Variants in CLPB observed in about 807,000 individuals in gnomAD.
CLPB encodes the protein mitochondrial disaggregase.
CLPB carries 40 observed loss-of-function variants against 78.4 expected under a neutral mutation model. The ratio of observed to expected loss-of-function variants is 0.51; its 90% CI spans 0.40 to 0.66. The LOEUF (loss-of-function observed/expected upper bound fraction) is 0.66. Among genes scored for constraint, CLPB ranks in the 30% least tolerant of loss-of-function variants. The pLI, the probability that CLPB is intolerant of heterozygous loss-of-function variation, is 0.00. For synonymous variants in CLPB, 333 were observed against 348.0 expected (o/e 0.96, Z 0.48); for missense variants, 780 against 886.9 (o/e 0.88, Z 1.53).
chr11:72,360,264 C>CT, intron 4 of CLPB, among the ~76,000 whole-genome samples: 1 of 152,340 alleles, frequency 6.6e-6, no homozygotes, highest in Admixed American at 6.5e-5. Flanking sequence ...CCTCTTACCT[C>CT]TCACTGGATA....
chr11:72,385,550 CA>C, intron 3 of CLPB, among the ~76,000 whole-genome samples: 1 of 152,312 alleles, frequency 6.6e-6, no homozygotes, highest in South Asian at 2.1e-4. Flanking sequence ...TGGCTGGGCA[CA>C]GTGGCTCATG....
rs202009794 is a variant in CLPB, at chr11:72,302,307, G to C, written c.1164C>G (p.His388Gln). The change falls in exon 10 of 16, where the codon CAC becomes CAG. Residue 388 changes from histidine to glutamine, a missense_variant. By Grantham distance (24) the His-to-Gln change is conservative (BLOSUM62 0). Transcript: ENST00000538039. ...RLDMSEFQER[H>Q]EVAKFIGSPP... is the part of the protein sequence containing the mutation. ...ATCAAGGACTGTCATCACTCACCTC[G>C]TGTCGCTCCTGGAACTCGGACATGT... is the stretch of plus-strand genomic sequence containing the variant. 1.9e-6 allele frequency: 3 copies of C among 1,614,038 alleles called. No individual in the cohort carries two copies. The highest frequency in any genetic ancestry group is 3.3e-5 in the Admixed American group (2 of 60,018).
intron 4 of CLPB, among the ~76,000 whole-genome samples, chr11:72,376,307 A>T (rs1484357128): frequency 6.6e-6 from 1 of 152,168 alleles, no homozygotes; most frequent in African/African-American, 2.4e-5. Flanking sequence ...GTCAATATAT[A>T]TTGGTTGAAT....
chr11:72,328,808 A>T (rs1307545787), intron 6 of CLPB, among the ~76,000 whole-genome samples: 1 of 152,230 alleles, frequency 6.6e-6, no homozygotes, highest in African/African-American at 2.4e-5. Flanking sequence ...GGCAAGCCAC[A>T]TCACAGCCCT....
Position 72,301,900 on chromosome 11 carries a change from T to C in CLPB, c.1232A>G (p.Lys411Arg). 1 of 1,614,184 alleles carries C rather than the reference T, an allele frequency of 6.2e-7. No individual in the cohort carries two copies. Among genetic ancestry groups the C allele is most frequent in the Non-Finnish European group, 8.5e-7 (1 of 1,180,032 alleles). Reference protein sequence around the residue: ...VGHEEGGQLTKKLKQCPNAVV... With the variant: ...VGHEEGGQLTRKLKQCPNAVV... ...AGCATTGGGGCACTGCTTCAACTTC[T>C]TGGTCAGCTGGCCACCCTCCTCATG... Residue 411 changes from lysine (K) to arginine (R), a missense_variant, in exon 11 of 16, where the codon AAG becomes AGG. Transcript: ENST00000538039.
chr11:72,307,638 C>T (rs559982550), intron 8 of CLPB, among the ~76,000 whole-genome samples: 1 of 152,324 alleles, frequency 6.6e-6, no homozygotes, highest in South Asian at 2.1e-4. Context: ...TACCCACAGT[C>T]CTGCCATTTA....
rs1856510017 is a variant in CLPB, at chr11:72,430,364, C to T, written c.404-1G>A. The T allele has an allele frequency of 6.2e-7, 1 of 1,612,844 alleles. No individual in the cohort carries two copies. Among genetic ancestry groups the T allele is most frequent in the South Asian group, 1.1e-5 (1 of 90,560 alleles). On this transcript the variant is annotated splice_acceptor_variant, in intron 1 of 15. Coordinates refer to ENST00000538039, the MANE Select transcript of CLPB (RefSeq NM_001258392.3). LOFTEE classifies it high-confidence loss of function. The stretch of plus-strand genomic sequence containing the variant: ...CGGGCAGCTTCCAACAGGGCTGCAT[C>T]TGAAGAGAAAGGGGGCACTGGTCAG...
chr11:72,338,259 T>A lies in CLPB; in HGVS notation c.776-8455A>T, dbSNP rs76352047. Among the ~76,000 whole-genome samples, 101 of 152,136 alleles carry A rather than the reference T, an allele frequency of 6.6e-4. 1 individual carries two copies. Among genetic ancestry groups the A allele is most frequent in the South Asian group, 3.5e-3 (17 of 4,820 alleles). On this transcript the variant is annotated intron_variant, in intron 5 of 15. Transcript: ENST00000538039. ...CCCCTGGTACAAGGGAGCTAGGCAT[T>A]GTGTAGCTGAGGAGGTGGGAAACCA...
intron 11 of CLPB, among the ~76,000 whole-genome samples, chr11:72,299,026 G>C (rs1949607916): frequency 1.3e-5 from 2 of 152,326 alleles, no homozygotes; most frequent in Middle Eastern, 3.4e-3. Flanking sequence ...ACGGCCCCTT[G>C]GCCATCTCCA....
chr11:72,359,355 T>C (rs891114388), intron 4 of CLPB: 2 of 370,944 alleles, frequency 5.4e-6, no homozygotes, highest in African/African-American at 4.2e-5. Context: ...AATAGGAGAA[T>C]ATACCAGAAC....
chr11:72,415,564 A>C (rs1855998935), intron 2 of CLPB, among the ~76,000 whole-genome samples: 1 of 152,214 alleles, frequency 6.6e-6, no homozygotes, highest in Non-Finnish European at 1.5e-5. Context: ...CCATACCACC[A>C]CCACTACTTT....
chr11:72,414,615 G>C (rs1030941231), intron 2 of CLPB, among the ~76,000 whole-genome samples: 2 of 152,198 alleles, frequency 1.3e-5, no homozygotes, highest in Non-Finnish European at 2.9e-5. Flanking sequence ...TAGCCTCTGT[G>C]TTGGGCATTG....
chr11:72,293,853 G>A (rs1749050288), intron 15 of CLPB, among the ~76,000 whole-genome samples, 169 bp downstream of exon 15: 1 of 152,166 alleles, frequency 6.6e-6, no homozygotes, highest in Admixed American at 6.5e-5. Flanking sequence ...TCCAGCAGGG[G>A]TTTTACTTGG....
Position 72,325,530 on chromosome 11 carries a change from A to G in CLPB, c.873+4177T>C, listed in dbSNP as rs138142516. On this transcript the variant is annotated intron_variant, in intron 6 of 15. Coordinates refer to ENST00000538039, the MANE Select transcript of CLPB (RefSeq NM_001258392.3). ...TGCTGAGAGAACTGAGGAAGCCAAC[A>G]GTGAGGGACACATCATTCAGACCAC... Among the ~76,000 whole-genome samples, 293 of 152,340 alleles carry G rather than the reference A, an allele frequency of 1.9e-3. 1 individual carries two copies. Among genetic ancestry groups the G allele is most frequent in the African/African-American group, 6.7e-3 (278 of 41,576 alleles).
chr11:72,408,250 T>C lies in CLPB; in HGVS notation c.456-5198A>G, dbSNP rs376495689. The stretch of plus-strand genomic sequence containing the variant: ...AGCAATGACCCTGGAGTCCAAAGGC[T>C]GGAGTTCAGATTCTAGCTCTGTCAC... On this transcript the variant is annotated intron_variant, in intron 2 of 15. Transcript: ENST00000538039. The C allele has an allele frequency of 4.5e-6, 6 of 1,333,952 alleles. No individual in the cohort carries two copies. The South Asian group carries it at 6.3e-5, about 14-fold the overall frequency. 82.6% of individuals were successfully genotyped at this position (1,333,952 alleles called of 1,614,324 possible).
rs549125922 is a variant in CLPB at position 72,420,304 on chromosome 11, G to C, written c.455+10008C>G. Among the ~76,000 whole-genome samples the C allele has an allele frequency of 4.3e-4, 65 of 152,282 alleles. 1 individual carries two copies. The South Asian group carries it at 9.5e-3, about 22-fold the overall frequency. On this transcript the variant is annotated intron_variant, in intron 2 of 15. Transcript: ENST00000538039. The stretch of plus-strand genomic sequence containing the variant: ...TCAAGAGGTCAGGAGTTCAAGACCA[G>C]CCAACATGGTGAAACTCCGTCTCTA...
intron 2 of CLPB, chr11:72,412,057 TGCCTTATCTAGCCTGCCA>T: frequency 6.6e-6 from 1 of 152,338 alleles, no homozygotes; most frequent in Middle Eastern, 3.4e-3. Flanking sequence ...CCTCCATCTG[TGCCTTATCTAGCCTGCCA>T]GCCAGGGCTG....
intron 4 of CLPB, among the ~76,000 whole-genome samples, chr11:72,367,606 T>C (rs936682302): frequency 6.6e-6 from 1 of 151,922 alleles, no homozygotes; most frequent in Admixed American, 6.6e-5. Context: ...CAGGAACTCT[T>C]AGAGGAGGGA....
chr11:72,421,729 C>T (rs1275833490), intron 2 of CLPB, among the ~76,000 whole-genome samples: 2 of 152,106 alleles, frequency 1.3e-5, no homozygotes, highest in African/African-American at 4.8e-5. Flanking sequence ...GGGCAGTTGA[C>T]CACCTGCTCC....
Sources: allele counts gnomAD v4.1 joint callset (sites outside exome capture counted in the v4.1 genomes callset), GRCh38; gene constraint gnomAD v4.1.1; transcripts MANE v1.5; gene names NCBI Gene and HGNC (gene_info 2026-07-23, HGNC 2026-07-21).